IL17RD: variants seen among roughly 807,000 people sequenced by gnomAD.
The protein encoded by IL17RD is interleukin 17 receptor D.
Under a neutral mutation model 80.5 loss-of-function variants are expected in IL17RD, and 52 were observed. The ratio of observed to expected loss-of-function variants is 0.65; its 90% CI spans 0.52 to 0.81. IL17RD has a LOEUF of 0.81. Ranked by LOEUF, IL17RD falls within the 40% of genes least tolerant of loss-of-function variation. The pLI is 0.00. For synonymous variants in IL17RD, 416 were observed against 391.8 expected (o/e 1.06, Z -0.73); for missense variants, 1,024 against 955.1 (o/e 1.07, Z -0.95).
At position 57,101,298 on chromosome 3, in the gene IL17RD, T is replaced by C. The variant is rs887846965; in HGVS notation, c.1045A>G (p.Arg349Gly). The change falls in exon 11 of 13, where the codon AGA (arginine) becomes GGA (glycine). Residue 349 changes from arginine to glycine, a missense_variant. Coordinates refer to ENST00000296318, the MANE Select transcript of IL17RD (RefSeq NM_017563.5). ...ESSTYTAALP[R>G]ERLRPRPKVF... ...TTCGGCCGCGGCCGGAGCCTCTCTC[T>C]TGGGAGTGCTGCAGTGTATGTGGAA... is the stretch of plus-strand genomic sequence containing the variant. The C allele has an allele frequency of 9.3e-6, 15 of 1,613,128 alleles. No individual in the cohort carries two copies. The highest frequency in any genetic ancestry group is 1.1e-5 in the Non-Finnish European group (13 of 1,179,340).
chr3:57,128,927 G>A (rs563260168), intron 1 of IL17RD, among the ~76,000 whole-genome samples: 2 of 152,316 alleles, frequency 1.3e-5, no homozygotes, highest in East Asian at 3.9e-4. Context: ...GATCTGGGCT[G>A]TGTGTTCTCC....
chr3:57,102,433 CT>C (rs1424919547), intron 10 of IL17RD, 45 bp downstream of exon 10: 1 of 1,120,750 alleles, frequency 8.9e-7, no homozygotes, highest in African/African-American at 1.6e-5. Flanking sequence ...GCAGCACCCC[CT>C]GGCCTGCCCC....
chr3:57,162,967 C>A (rs990351529), intron 1 of IL17RD, among the ~76,000 whole-genome samples: 1 of 152,106 alleles, frequency 6.6e-6, no homozygotes, highest in African/African-American at 2.4e-5. Flanking sequence ...GCAAGGAATT[C>A]TCAAGGGAGG....
At chr3:57,110,388 A>C in intron 3 of IL17RD, 77 bp from the exon 4 acceptor site, 1 of 1,446,726 alleles carries the variant, frequency 6.9e-7, no homozygotes, top group Non-Finnish European at 9.4e-7. Context: ...CAAGATTACC[A>C]TCTTCTCTAC....
intron 1 of IL17RD, among the ~76,000 whole-genome samples, chr3:57,158,018 T>C (rs80259680): frequency 0.027 from 4,055 of 152,328 alleles, 84 homozygotes; most frequent in South Asian, 0.047. Flanking sequence ...GAAAAAAAGT[T>C]GTATTTAAGG....
intron 1 of IL17RD, among the ~76,000 whole-genome samples, chr3:57,159,344 G>A (rs1394400866): frequency 6.6e-6 from 1 of 152,178 alleles, no homozygotes; most frequent in Non-Finnish European, 1.5e-5. Context: ...CAATCAGCCG[G>A]TGGCCCTGCC....
upstream of IL17RD, among the ~76,000 whole-genome samples, chr3:57,169,630 T>C (rs1206581455): frequency 6.6e-6 from 1 of 152,160 alleles, no homozygotes; most frequent in Non-Finnish European, 1.5e-5. Context: ...TAATGAACAG[T>C]GTTAGAAGCA....
chr3:57,122,457 T>C (rs561703655), intron 1 of IL17RD, among the ~76,000 whole-genome samples: 2 of 152,282 alleles, frequency 1.3e-5, no homozygotes, highest in African/African-American at 4.8e-5. Flanking sequence ...TGGGAGAGCA[T>C]TACCACCTGA....
intron 1 of IL17RD, among the ~76,000 whole-genome samples, chr3:57,126,932 C>T (rs917403957): frequency 6.6e-6 from 1 of 151,360 alleles, no homozygotes; most frequent in Non-Finnish European, 1.5e-5. Context: ...TCAAGTGATC[C>T]TACCCTCTCA....
chr3:57,108,280 T>C (rs1707010187), intron 5 of IL17RD, among the ~76,000 whole-genome samples: 1 of 152,012 alleles, frequency 6.6e-6, no homozygotes, highest in African/African-American at 2.4e-5. Context: ...GGTCTCGAAC[T>C]CCTGACTTCG....
At chr3:57,133,021 C>T (rs917614526) in intron 1 of IL17RD, among the ~76,000 whole-genome samples, 6 of 152,120 alleles carry the variant, frequency 3.9e-5, no homozygotes, top group African/African-American at 1.4e-4. Context: ...TCCAACTTTC[C>T]AAAATGAATA....
At chr3:57,164,152 A>G (rs528051578) in intron 1 of IL17RD, among the ~76,000 whole-genome samples, 1 of 152,346 alleles carries the variant, frequency 6.6e-6, no homozygotes, top group South Asian at 2.1e-4. Context: ...CCCCAGGAGC[A>G]GAGCCAAGGT....
intron 3 of IL17RD, among the ~76,000 whole-genome samples, chr3:57,112,151 T>C (rs1345663706): frequency 6.6e-6 from 1 of 152,198 alleles, no homozygotes; most frequent in East Asian, 1.9e-4. Flanking sequence ...CTTGTAGTTA[T>C]GTAATGATTA....
rs1292591379 is a variant in IL17RD at position 57,093,275 on chromosome 3, G to A, written c.*3118C>T. On this transcript the variant is annotated 3_prime_UTR_variant, in exon 13 of 13. Coordinates refer to ENST00000296318, the MANE Select transcript of IL17RD (RefSeq NM_017563.5). ...CACCAATAGAAAATAAAAAAGACTA[G>A]TAACCTTCACATTGGCATTGCCCAT... The A allele has an allele frequency of 6.6e-6, 1 of 152,178 alleles. No homozygotes were observed. Among genetic ancestry groups the A allele is most frequent in the African/African-American group, 2.4e-5 (1 of 41,438 alleles). 9.4% of individuals were successfully genotyped at this position (152,178 alleles called of 1,614,324 possible). A position where few individuals can be genotyped will look rare whatever the true frequency, so the allele number is the denominator to read the frequency against.
chr3:57,098,636 A>C, intron 11 of IL17RD, 98 bp from the exon 12 acceptor site: 37 of 778,598 alleles, frequency 4.8e-5, no homozygotes, highest in Non-Finnish European at 6.8e-5. Flanking sequence ...AGGCCATCTC[A>C]TCTGCCCCTT....
chr3:57,117,113 ATTT>A (rs11422909), intron 2 of IL17RD, among the ~76,000 whole-genome samples: 3 of 136,140 alleles, frequency 2.2e-5, no homozygotes, highest in Non-Finnish European at 1.5e-5. Context: ...AAGTTTAAGA[ATTT>A]TTTTTTTTTT....
intron 1 of IL17RD, among the ~76,000 whole-genome samples, chr3:57,153,376 T>C (rs1208957951): frequency 3.9e-5 from 6 of 152,194 alleles, no homozygotes; most frequent in African/African-American, 1.4e-4. Flanking sequence ...CTTGTCAAAA[T>C]ATTTGAACCT....
At chr3:57,152,721 A>G (rs1372930590) in intron 1 of IL17RD, among the ~76,000 whole-genome samples, 2 of 152,258 alleles carry the variant, frequency 1.3e-5, no homozygotes, top group African/African-American at 4.8e-5. Context: ...TAGGTAGAAG[A>G]TAATAATTCA....
chr3:57,101,369 T>C lies in IL17RD; in HGVS notation c.980-6A>G, dbSNP rs1310446160. On this transcript the variant is annotated splice_polypyrimidine_tract_variant and splice_region_variant and intron_variant, in intron 10 of 12. Coordinates refer to ENST00000296318, the MANE Select transcript of IL17RD (RefSeq NM_017563.5). ...TAAATGTGAATATATATTTTCTAAATTGGAAAAGAAGATAAGGTTGATACT... is the reference window on the plus strand; with the variant it reads ...TAAATGTGAATATATATTTTCTAAACTGGAAAAGAAGATAAGGTTGATACT... The C allele has an allele frequency of 6.4e-7, 1 of 1,570,740 alleles. No homozygotes were observed. Among genetic ancestry groups the C allele is most frequent in the Non-Finnish European group, 8.7e-7 (1 of 1,150,124 alleles).
Sources: allele counts gnomAD v4.1 joint callset (sites outside exome capture counted in the v4.1 genomes callset), GRCh38; gene constraint gnomAD v4.1.1; transcripts MANE v1.5; gene names NCBI Gene and HGNC (gene_info 2026-07-23, HGNC 2026-07-21).